The following CCSAP variants were observed in gnomAD, a reference collection of about 807,000 sequenced individuals.
The protein encoded by CCSAP is centriole, cilia and spindle-associated protein.
A neutral mutation model predicts 25.9 loss-of-function variants in CCSAP; 17 were observed. That is an observed-to-expected ratio of 0.66 (90% CI 0.45 to 0.99). CCSAP has a LOEUF of 0.99. Among genes scored for constraint, CCSAP ranks in the 50% least tolerant of loss-of-function variants. CCSAP has a pLI of 0.00. For synonymous variants in CCSAP, 169 were observed against 157.1 expected (o/e 1.08, Z -0.57); for missense variants, 339 against 367.8 (o/e 0.92, Z 0.64).
chr1:229,327,479 G>A (rs1657966490), intron 2 of CCSAP: 3 of 455,508 alleles, frequency 6.6e-6, no homozygotes, highest in Middle Eastern at 3.2e-4. Context: ...CCTGAGAGCC[G>A]CTTCCTTCAT....
chr1:229,329,058 G>A (rs1658009288), intron 2 of CCSAP, among the ~76,000 whole-genome samples: 1 of 152,212 alleles, frequency 6.6e-6, no homozygotes, highest in South Asian at 2.1e-4. Context: ...CTTCCCTGGT[G>A]TTTAAGAAGA....
At chr1:229,339,416 T>C (rs1658278348) in intron 2 of CCSAP, among the ~76,000 whole-genome samples, 2 of 152,028 alleles carry the variant, frequency 1.3e-5, no homozygotes, top group Non-Finnish European at 2.9e-5. Flanking sequence ...CCAGCCACAC[T>C]CACCAAATTG....
rs975258326 is a variant in CCSAP at position 229,322,712 on chromosome 1, G to A, written c.*2523C>T. ...ATTCCTGTTCACTTCTCCTCCCGCG[G>A]ACTTAATGTCCAGCAGAGTGCTAGA... On this transcript the variant is annotated 3_prime_UTR_variant, in exon 4 of 4. Transcript: ENST00000284617. 2 of 152,100 alleles carry A rather than the reference G, an allele frequency of 1.3e-5. No homozygotes were observed. Among genetic ancestry groups the A allele is most frequent in the African/African-American group, 4.8e-5 (2 of 41,410 alleles). The allele number at this position is 152,100 out of a possible 1,614,324, so 9.4% of individuals were successfully genotyped here.
At chr1:229,327,524 C>T (rs1469085641) in intron 2 of CCSAP, 1 of 456,074 alleles carries the variant, frequency 2.2e-6, no homozygotes, top group Admixed American at 2.4e-5. Context: ...GAGTGATTTC[C>T]ATCGTTACCG....
rs185227624 is a variant in CCSAP, at chr1:229,333,256, C to G, written c.368-6250G>C. Among the ~76,000 whole-genome samples the G allele has an allele frequency of 4.8e-3, 733 of 151,428 alleles. 16 individuals are homozygous for G. Among genetic ancestry groups the G allele is most frequent in the Admixed American group, 0.042 (635 of 15,200 alleles). ...GACCATCCTGGGTAACACGGTGAAA[C>G]CCCGTCTCTACTAAAAATACAAAAA... On this transcript the variant is annotated intron_variant, in intron 2 of 3. Coordinates refer to ENST00000284617, the MANE Select transcript of CCSAP (RefSeq NM_145257.5).
Position 229,326,927 on chromosome 1 carries a change from A to G in CCSAP, c.447T>C (p.Thr149=). The part of the protein sequence containing the change: ...TRETDKSPTS[T]EPRQQPSALF... ...AGGCACTTGGTTGCTGTCGAGGCTC[A>G]GTACTGGTGGGTGATTTGTCAGTCT... The change falls in exon 3 of 4, where the codon ACT becomes ACC. Residue 149 remains threonine (T), a synonymous_variant. Transcript: ENST00000284617. 6.2e-7 allele frequency: 1 copy of G among 1,614,192 alleles called. No homozygotes were observed. Among genetic ancestry groups the G allele is most frequent in the Non-Finnish European group, 8.5e-7 (1 of 1,180,022 alleles).
chr1:229,325,914 C>T (rs189302990), intron 3 of CCSAP, among the ~76,000 whole-genome samples: 2 of 152,302 alleles, frequency 1.3e-5, no homozygotes, highest in Admixed American at 6.5e-5. Flanking sequence ...TTTTGTTAAA[C>T]GGCAGCTTTG....
chr1:229,332,359 A>G (rs1427687402), intron 2 of CCSAP, among the ~76,000 whole-genome samples: 1 of 152,178 alleles, frequency 6.6e-6, no homozygotes, highest in African/African-American at 2.4e-5. Context: ...TGCTATCTCC[A>G]GGCAGACAGT....
At chr1:229,329,477 A>G (rs976253750) in intron 2 of CCSAP, among the ~76,000 whole-genome samples, 1 of 152,240 alleles carries the variant, frequency 6.6e-6, no homozygotes, top group African/African-American at 2.4e-5. Flanking sequence ...TTTATTTTAT[A>G]TATGCCAAAC....
At chr1:229,332,089 CGCCTCG>C (rs1658082372) in intron 2 of CCSAP, among the ~76,000 whole-genome samples, 3 of 152,116 alleles carry the variant, frequency 2.0e-5, no homozygotes, top group Admixed American at 2.0e-4. Context: ...GTGATCCACC[CGCCTCG>C]GCCTCCCAAA....
At chr1:229,331,697 G>A (rs1658069436) in intron 2 of CCSAP, among the ~76,000 whole-genome samples, 1 of 151,950 alleles carries the variant, frequency 6.6e-6, no homozygotes, top group African/African-American at 2.4e-5. Context: ...GGAGGTTCCT[G>A]GAGGCCGGCG....
intron 2 of CCSAP, among the ~76,000 whole-genome samples, chr1:229,333,537 A>T (rs1658131768): frequency 6.6e-6 from 1 of 151,860 alleles, no homozygotes; most frequent in African/African-American, 2.4e-5. Flanking sequence ...TGTACACTTC[A>T]TTTATTTATT....
intron 2 of CCSAP, among the ~76,000 whole-genome samples, chr1:229,332,024 G>A (rs961930677): frequency 9.2e-5 from 14 of 151,712 alleles, no homozygotes; most frequent in Non-Finnish European, 1.8e-4. Context: ...TGTATTTTTA[G>A]TAGAGACGGG....
rs201879768 is a variant in CCSAP at position 229,325,350 on chromosome 1, G to C, written c.698C>G (p.Ala233Gly). The change falls in exon 4 of 4, where the codon GCT (alanine) becomes GGT (glycine). Residue 233 changes from alanine (A) to glycine (G), a missense_variant. Ala to Gly is a moderately conservative substitution (Grantham distance 60). Coordinates refer to ENST00000284617, the MANE Select transcript of CCSAP (RefSeq NM_145257.5). ...RRQVEKRKLV[A>G]QRQRAHSVDV... ...CACAGAGTGAGCTCGCTGCCTTTGA[G>C]CAACCAGTTTCCTTTTTTCCACCTG... 6.2e-7 allele frequency: 1 copy of C among 1,614,154 alleles called. No individual in the cohort carries two copies. The highest frequency in any genetic ancestry group is 2.2e-5 in the East Asian group (1 of 44,886).
At chr1:229,341,465 C>T (rs1658332982) in intron 2 of CCSAP, among the ~76,000 whole-genome samples, 1 of 152,190 alleles carries the variant, frequency 6.6e-6, no homozygotes, top group African/African-American at 2.4e-5. Flanking sequence ...CTTGAAAACA[C>T]GCGCAGCGCC....
chr1:229,326,302 A>G (rs944618054), intron 3 of CCSAP, among the ~76,000 whole-genome samples: 3 of 152,226 alleles, frequency 2.0e-5, no homozygotes, highest in Admixed American at 6.5e-5. Context: ...CAAGCAATCA[A>G]TCAATCAGAC....
chr1:229,336,121 G>A (rs1209977923), intron 2 of CCSAP, among the ~76,000 whole-genome samples: 1 of 147,768 alleles, frequency 6.8e-6, no homozygotes, highest in Non-Finnish European at 1.5e-5. Flanking sequence ...ACGGATTTTG[G>A]TATCCATGGG....
chr1:229,340,115 A>T (rs1395961017), intron 2 of CCSAP, among the ~76,000 whole-genome samples: 2 of 152,218 alleles, frequency 1.3e-5, no homozygotes, highest in Non-Finnish European at 2.9e-5. Context: ...GGCTTCAGGG[A>T]AAGTAAAAAA....
intron 3 of CCSAP, 78 bp downstream of exon 3, chr1:229,326,660 A>C (rs544582709): frequency 1.3e-6 from 2 of 1,556,252 alleles, no homozygotes; most frequent in South Asian, 1.2e-5. Flanking sequence ...GCCAAAGGAC[A>C]CGATGCCCGA....
Sources: allele counts gnomAD v4.1 joint callset (sites outside exome capture counted in the v4.1 genomes callset), GRCh38; gene constraint gnomAD v4.1.1; transcripts MANE v1.5; gene names NCBI Gene and HGNC (gene_info 2026-07-23, HGNC 2026-07-21).